Variants in GPHN observed in about 807,000 individuals in gnomAD.
GPHN encodes gephyrin.
In GPHN, 17 loss-of-function variants were observed where a neutral mutation model predicts 95.5. The ratio of observed to expected loss-of-function variants is 0.18; its 90% confidence interval spans 0.12 to 0.27. The LOEUF (loss-of-function observed/expected upper bound fraction) is 0.27, where lower values mean the gene tolerates loss of function less well. Ranked by LOEUF, GPHN falls within the 10% of genes least tolerant of loss-of-function variation. GPHN has a pLI of 1.00. For missense variants in GPHN, 660 were observed against 978.1 expected (o/e 0.67, Z 4.34); for synonymous variants, 320 against 322.5 (o/e 0.99, Z 0.08).
Position 66,591,993 on chromosome 14 carries a change from C to A in GPHN, c.64+83402C>A, listed in dbSNP as rs12726078. ...AATGGAACAGAATGGAGTCCTTAGA[C>A]ATATCACCACACATCTACAGCCATC... On this transcript the variant is annotated intron_variant, in intron 1 of 22. Coordinates refer to ENST00000478722, the MANE Select transcript of GPHN (RefSeq NM_020806.5). Among the ~76,000 whole-genome samples, 553 of 152,170 alleles carry A rather than the reference C, an allele frequency of 3.6e-3. 12 individuals are homozygous for A. The highest frequency in any genetic ancestry group is 0.013 in the African/African-American group (527 of 41,540).
At chr14:66,743,313 G>A (rs1273662287) in intron 2 of GPHN, among the ~76,000 whole-genome samples, 1 of 151,662 alleles carries the variant, frequency 6.6e-6, no homozygotes, top group Non-Finnish European at 1.5e-5. Flanking sequence ...CAAACTTAGA[G>A]AAAATTAATT....
chr14:66,724,608 G>T lies in GPHN; in HGVS notation c.143+43423G>T, dbSNP rs543334271. 5.6e-4 allele frequency among the ~76,000 whole-genome samples: 85 copies of T among 152,248 alleles called. 1 individual carries two copies. The highest frequency in any genetic ancestry group is 1.8e-3 in the African/African-American group (75 of 41,544). On this transcript the variant is annotated intron_variant, in intron 2 of 22. Transcript: ENST00000478722. ...GAGAGAGGAATATCAAGGATTCAAG[G>T]GATGTGCCTTTCCTTCAGGTATAGG...
chr14:67,199,115 G>T, the GPHN span: 2 of 1,289,872 alleles, frequency 1.6e-6, no homozygotes, highest in Non-Finnish European at 1.1e-6. Context: ...TGTACGTGGG[G>T]GGCCTGAATG....
chr14:67,585,858 C>G, the GPHN span: 5 of 1,361,380 alleles, frequency 3.7e-6, no homozygotes, highest in African/African-American at 5.8e-5. Flanking sequence ...GGGAGTTCTC[C>G]TTTCCTGTGC....
At chr14:67,180,402 T>A (rs1408198504) in intron 22 of GPHN, among the ~76,000 whole-genome samples, 1 of 152,114 alleles carries the variant, frequency 6.6e-6, no homozygotes, top group East Asian at 1.9e-4. Flanking sequence ...TCAAATAAGG[T>A]GTTTAAGTAA....
chr14:67,675,485 AC>A, the GPHN span, among the ~76,000 whole-genome samples: 3 of 151,990 alleles, frequency 2.0e-5, no homozygotes, highest in Non-Finnish European at 4.4e-5. Context: ...AAAACAAAAA[AC>A]CCAAAAACCA....
chr14:67,206,657 T>C, the GPHN span, among the ~76,000 whole-genome samples: 1 of 152,058 alleles, frequency 6.6e-6, no homozygotes, highest in African/African-American at 2.4e-5. Context: ...GTAAAATAAA[T>C]AGAAAGATCA....
intron 2 of GPHN, among the ~76,000 whole-genome samples, chr14:66,747,869 A>G (rs1005723174): frequency 6.6e-6 from 1 of 152,086 alleles, no homozygotes; most frequent in African/African-American, 2.4e-5. Context: ...TTTTCCTTTA[A>G]GATTTTAAAT....
chr14:67,727,100 A>T, the GPHN span: 2 of 1,614,184 alleles, frequency 1.2e-6, no homozygotes. Flanking sequence ...CGACCTCCAG[A>T]GCGAGAAGCG....
At chr14:66,739,391 T>A (rs1484499814) in intron 2 of GPHN, among the ~76,000 whole-genome samples, 2 of 151,782 alleles carry the variant, frequency 1.3e-5, no homozygotes, top group Non-Finnish European at 2.9e-5. Flanking sequence ...TAATTTTTTG[T>A]ATTTTTAGTA....
chr14:67,653,575 T>A, the GPHN span: 1 of 1,327,974 alleles, frequency 7.5e-7, no homozygotes, highest in African/African-American at 1.5e-5. Flanking sequence ...AGATTAACAG[T>A]AGGCATTAAG....
At chr14:66,683,359 T>TGTTCATATATATATGTTC (rs1228890853) in intron 2 of GPHN, among the ~76,000 whole-genome samples, 8 of 88,668 alleles carry the variant, frequency 9.0e-5, no homozygotes, top group African/African-American at 6.8e-4. Flanking sequence ...TATATATATA[T>TGTTCATATATATATGTTC]ATATATATAT....
At chr14:66,636,183 G>A (rs2064085748) in intron 1 of GPHN, among the ~76,000 whole-genome samples, 2 of 151,882 alleles carry the variant, frequency 1.3e-5, no homozygotes, top group African/African-American at 2.4e-5. Flanking sequence ...GTACAATATT[G>A]GGACCCCTTA....
intron 1 of GPHN, among the ~76,000 whole-genome samples, chr14:66,643,913 C>T (rs912105366): frequency 6.6e-6 from 1 of 151,758 alleles, no homozygotes; most frequent in South Asian, 2.1e-4. Flanking sequence ...TGATTATGTT[C>T]ACGTTTATTT....
rs114715212 is a variant in GPHN, at chr14:66,733,004, C to T, written c.144-43460C>T. 4.8e-3 allele frequency among the ~76,000 whole-genome samples: 732 copies of T among 152,196 alleles called. 6 individuals are homozygous for T. The highest frequency in any genetic ancestry group is 0.015 in the African/African-American group (634 of 41,528). ...AGGCCAGGGGTGGAATGATACAGTT[C>T]GGCTCTGGGTCCCCACCCATATCAC... On this transcript the variant is annotated intron_variant, in intron 2 of 22. Transcript: ENST00000478722.
chr14:67,537,094 A>T, the GPHN span, among the ~76,000 whole-genome samples: 1 of 148,838 alleles, frequency 6.7e-6, no homozygotes, highest in East Asian at 2.0e-4. Flanking sequence ...TAGTGGCTCA[A>T]CACACTTTAG....
At position 67,181,199 on chromosome 14, in the gene GPHN, G is replaced by A. The variant is rs878980983; in HGVS notation, c.*262G>A. 4.0e-5 allele frequency: 21 copies of A among 519,654 alleles called. 1 individual carries two copies. In the South Asian group the frequency reaches 4.4e-4, roughly 11 times the overall value. The allele number at this position is 519,654 out of a possible 1,614,324, so 32.2% of individuals were successfully genotyped here. A position where few individuals can be genotyped will look rare whatever the true frequency, so the allele number is the denominator to read the frequency against. ...AATTGCTTTGTGTGTTCAATGCTAG[G>A]TCTGATAGCGATAGCTTTTAGTAGA... is the stretch of plus-strand genomic sequence containing the variant. On this transcript the variant is annotated 3_prime_UTR_variant, in exon 23 of 23. Coordinates refer to ENST00000478722, the MANE Select transcript of GPHN (RefSeq NM_020806.5).
At chr14:66,627,778 G>C (rs558940655) in intron 1 of GPHN, among the ~76,000 whole-genome samples, 49 of 152,128 alleles carry the variant, frequency 3.2e-4, no homozygotes, top group African/African-American at 1.2e-3. Context: ...TTTGGTATTA[G>C]GATATTTTTA....
chr14:67,453,097 G>A, the GPHN span, among the ~76,000 whole-genome samples: 2 of 152,238 alleles, frequency 1.3e-5, no homozygotes, highest in Non-Finnish European at 2.9e-5. Context: ...ACAGTGACAT[G>A]TCGCCCCAGG....
Sources: allele counts gnomAD v4.1 joint callset (sites outside exome capture counted in the v4.1 genomes callset), GRCh38; gene constraint gnomAD v4.1.1; transcripts MANE v1.5; gene names NCBI Gene and HGNC (gene_info 2026-07-23, HGNC 2026-07-21).